The following ADAR variants were observed in gnomAD, a reference collection of about 807,000 sequenced individuals.
ADAR encodes the protein adenosine deaminase RNA specific.
Under a neutral mutation model 113.2 loss-of-function variants are expected in ADAR, and 41 were observed. The observed-to-expected ratio is 0.36, with a 90% confidence interval of 0.28 to 0.47. The LOEUF (loss-of-function observed/expected upper bound fraction) is 0.47. ADAR is among the 20% of genes least tolerant of loss of function. The pLI is 1.00. For missense variants in ADAR, 1,242 were observed against 1,540.9 expected (o/e 0.81, Z 3.25); for synonymous variants, 605 against 572.6 (o/e 1.06, Z -0.81).
chr1:154,590,145 C>CA, intron 7 of ADAR, 39 bp downstream of exon 7: 1 of 1,133,700 alleles, frequency 8.8e-7, no homozygotes. Flanking sequence ...AGGAGGACCC[C>CA]CCCGCCCCAA....
At chr1:154,627,918 T>TC (rs758896648) in exon 1 of ADAR, 2 of 399,608 alleles carry the variant, frequency 5.0e-6, no homozygotes, top group Non-Finnish European at 9.8e-6. Flanking sequence ...GCCGCGACCC[T>TC]CCCCCCACCC....
Position 154,598,311 on chromosome 1 carries a change from G to A in ADAR, c.1785+91C>T, listed in dbSNP as rs1697638245. 4 of 1,408,194 alleles carry A rather than the reference G, an allele frequency of 2.8e-6. No individual in the cohort carries two copies. The Admixed American group carries it at 6.8e-5, about 24-fold the overall frequency. 87.2% of individuals were successfully genotyped at this position (1,408,194 alleles called of 1,614,324 possible). ...GGAAGCTGACTCCGAGATGGTGTCA[G>A]TTGTTTAGGCTGGGATTGCCTCAAG... On this transcript the variant is annotated intron_variant, in intron 3 of 14. Transcript: ENST00000368474.
intron 1 of ADAR, among the ~76,000 whole-genome samples, chr1:154,619,946 T>C (rs1333178356): frequency 6.6e-6 from 1 of 152,018 alleles, no homozygotes; most frequent in Admixed American, 6.6e-5. Flanking sequence ...CCAAGAAAAA[T>C]GGCCACAAAA....
At position 154,602,293 on chromosome 1, in the gene ADAR, T is replaced by C. The variant is rs1363061596; in HGVS notation, c.349A>G (p.Ser117Gly). ...CAATCAACACCTCTCTGTGGCAGAC[T>C]CCTGCCACGTGGTGAAGGATGCTGG... ...GFQHPSPRGR[S>G]LPQRGVDCLS... Residue 117 changes from serine (S) to glycine (G), a missense_variant, in exon 2 of 15, where the codon AGT (serine) becomes GGT (glycine). Ser to Gly is a moderately conservative substitution (Grantham distance 56). Around this residue, in one of 2 missense-constraint regions of ADAR, gnomAD observed 462 missense variants for 483.1 expected, o/e 0.96. Transcript: ENST00000368474. 2 of 1,614,030 alleles carry C rather than the reference T, an allele frequency of 1.2e-6. No individual in the cohort carries two copies. The highest frequency in any genetic ancestry group is 2.2e-5 in the South Asian group (2 of 91,068).
chr1:154,586,808 C>T (rs541595264), intron 11 of ADAR, among the ~76,000 whole-genome samples: 10 of 152,158 alleles, frequency 6.6e-5, no homozygotes, highest in Non-Finnish European at 8.8e-5. Flanking sequence ...AGGCAGCCAG[C>T]GGATTGGCTG....
At chr1:154,596,201 C>T (rs1019067328) in intron 6 of ADAR, among the ~76,000 whole-genome samples, 6 of 152,102 alleles carry the variant, frequency 3.9e-5, no homozygotes, top group African/African-American at 1.2e-4. Context: ...AAGTCTGAGA[C>T]GGAAATGAGA....
At chr1:154,607,938 G>A in intron 1 of ADAR, 54 bp downstream of exon 1, 8 of 1,610,038 alleles carry the variant, frequency 5.0e-6, no homozygotes, top group South Asian at 1.1e-5. Context: ...CAAAGCCTGT[G>A]AGGTTGTAAA....
intron 1 of ADAR, among the ~76,000 whole-genome samples, chr1:154,619,557 ATTT>A (rs1698730984): frequency 6.6e-6 from 1 of 152,174 alleles, no homozygotes; most frequent in Admixed American, 6.5e-5. Flanking sequence ...GCTTTCTATA[ATTT>A]TTAAGTTCTT....
chr1:154,589,227 G>A (rs1205893590), intron 9 of ADAR, 142 bp downstream of exon 9: 17 of 721,018 alleles, frequency 2.4e-5, no homozygotes, highest in African/African-American at 2.3e-4. Context: ...TCAAATGGAC[G>A]GGTGAAAAGC....
intron 1 of ADAR, among the ~76,000 whole-genome samples, chr1:154,604,706 T>C (rs1258855991): frequency 4.6e-5 from 7 of 152,200 alleles, no homozygotes; most frequent in South Asian, 2.1e-4. Flanking sequence ...AATTTTTTAA[T>C]AGCTACTGTA....
Position 154,583,274 on chromosome 1 carries a change from T to G in ADAR, c.*1532A>C, listed in dbSNP as rs1696526438. The G allele has an allele frequency of 6.6e-6, 1 of 152,226 alleles. No individual in the cohort carries two copies. The highest frequency in any genetic ancestry group is 1.5e-5 in the Non-Finnish European group (1 of 68,050). The allele number at this position is 152,226 out of a possible 1,614,324, so 9.4% of individuals were successfully genotyped here. On this transcript the variant is annotated 3_prime_UTR_variant, in exon 15 of 15. Coordinates refer to ENST00000368474, the MANE Select transcript of ADAR (RefSeq NM_001111.5). ...CTGCAGCCATCACCACGGCACCAAG[T>G]CTATGCTTGGGCTCTTCCCTGCTCT...
intron 4 of ADAR, 57 bp downstream of exon 4, chr1:154,597,771 G>C: frequency 1.2e-6 from 2 of 1,609,188 alleles, no homozygotes; most frequent in Non-Finnish European, 1.7e-6. Flanking sequence ...GGAAGAAAAT[G>C]TGTCTCTTTT....
In ADAR at chr1:154,602,068, G is replaced by A. The variant is rs1198487013; in HGVS notation, c.574C>T (p.Pro192Ser). The A allele has an allele frequency of 1.2e-6, 2 of 1,614,226 alleles. No homozygotes were observed. Among genetic ancestry groups the A allele is most frequent in the Non-Finnish European group, 1.7e-6 (2 of 1,180,034 alleles). ...GAGACCGCGATTTTCCACAAAGGGG[G>A]TGTTCCTGCCTCTTTCTGTAGCTTG... ...KGKLQKEAGT[P>S]PLWKIAVSTQ... The change falls in exon 2 of 15, where the codon CCC (proline) becomes TCC (serine). Residue 192 changes from proline (P) to serine (S), a missense_variant. Around this residue, in one of 2 missense-constraint regions of ADAR, gnomAD observed 462 missense variants for 483.1 expected, o/e 0.96. Transcript: ENST00000368474.
intron 11 of ADAR, among the ~76,000 whole-genome samples, chr1:154,587,164 G>A (rs1432543012): frequency 6.6e-6 from 1 of 152,002 alleles, no homozygotes; most frequent in Non-Finnish European, 1.5e-5. Flanking sequence ...CCCACTCCTG[G>A]CCCTGGCAAC....
Position 154,584,670 on chromosome 1 carries a change from A to C in ADAR, c.*136T>G. On this transcript the variant is annotated 3_prime_UTR_variant, in exon 15 of 15. Coordinates refer to ENST00000368474, the MANE Select transcript of ADAR (RefSeq NM_001111.5). ...GGATAAATGGGAACCCAAAGTTTTC[A>C]GTATCACCAATTATGGCTTAAAAAG... The C allele has an allele frequency of 7.3e-6, 6 of 820,726 alleles. No individual in the cohort carries two copies. The South Asian group carries it at 1.0e-4, about 14-fold the overall frequency. The allele number at this position is 820,726 out of a possible 1,614,324, so 50.8% of individuals were successfully genotyped here.
Position 154,584,956 on chromosome 1 carries a change from T to G in ADAR, c.3531A>C (p.Leu1177=), listed in dbSNP as rs533561093. 3 of 1,614,054 alleles carry G rather than the reference T, an allele frequency of 1.9e-6. No homozygotes were observed. Among genetic ancestry groups the G allele is most frequent in the Non-Finnish European group, 1.7e-6 (2 of 1,180,026 alleles). ...KLCSFRYRRD[L]LRLSYGEAKK... ...TGGCCTCACCATAGGAGAGTCTCAGTAGATCCCTGCGGTAACGGAAGGAGC... is the reference window on the plus strand; with the variant it reads ...TGGCCTCACCATAGGAGAGTCTCAGGAGATCCCTGCGGTAACGGAAGGAGC... The change falls in exon 15 of 15, where the codon CTA becomes CTC. Residue 1177 remains leucine (L), a synonymous_variant. Coordinates refer to ENST00000368474, the MANE Select transcript of ADAR (RefSeq NM_001111.5).
rs750666914 is a variant in ADAR at position 154,590,361 on chromosome 1, G to A, written c.2319C>T (p.Cys773=). ...KVGGRWFPAV[C]AHSKKQGKQE... Reference sequence around the variant, plus strand: ...GCTTGCCTTGCTTCTTGCTGTGTGCGCAGACGGCTGGGAACCAGCGACCCC... The same window carrying A: ...GCTTGCCTTGCTTCTTGCTGTGTGCACAGACGGCTGGGAACCAGCGACCCC... The change falls in exon 7 of 15, where the codon TGC becomes TGT. Residue 773 remains cysteine (C), a synonymous_variant. Coordinates refer to ENST00000368474, the MANE Select transcript of ADAR (RefSeq NM_001111.5). 56 of 1,613,962 alleles carry A rather than the reference G, an allele frequency of 3.5e-5. No individual in the cohort carries two copies. Among genetic ancestry groups the A allele is most frequent in the Admixed American group, 5.0e-5 (3 of 59,994 alleles).
chr1:154,606,221 T>C (rs1426260737), intron 1 of ADAR, among the ~76,000 whole-genome samples: 1 of 152,174 alleles, frequency 6.6e-6, no homozygotes, highest in Admixed American at 6.5e-5. Flanking sequence ...TTTGTATTTT[T>C]AGTAGAGATG....
Position 154,601,667 on chromosome 1 carries a change from G to C in ADAR, c.975C>G (p.Thr325=), listed in dbSNP as rs982902878. The change falls in exon 2 of 15, where the codon ACC becomes ACG. Residue 325 remains threonine (T), a synonymous_variant. Coordinates refer to ENST00000368474, the MANE Select transcript of ADAR (RefSeq NM_001111.5). The surrounding 1 kb of genome is among the most constrained non-coding windows in gnomAD (Gnocchi z 4.7). ...GCACAGCATTTATATCTCGGGCCTT[G>C]GTAAGGCCAATATTTTTAGCCAAAT... ...ALNLAKNIGL[T]KARDINAVLI... 6.2e-7 allele frequency: 1 copy of C among 1,614,088 alleles called. No homozygotes were observed. The highest frequency in any genetic ancestry group is 1.3e-5 in the African/African-American group (1 of 75,036).
Sources: allele counts gnomAD v4.1 joint callset (sites outside exome capture counted in the v4.1 genomes callset), GRCh38; gene constraint gnomAD v4.1.1; regional missense constraint gnomAD v4.1.1; non-coding constraint Gnocchi (gnomAD v3.1); transcripts MANE v1.5; gene names NCBI Gene and HGNC (gene_info 2026-07-23, HGNC 2026-07-21).